ZNF728: variants seen among roughly 807,000 people sequenced by gnomAD.
ZNF728 encodes the protein zinc finger protein 728.
In ZNF728, 12 loss-of-function variants were observed where a neutral mutation model predicts 12.5. The ratio of observed to expected loss-of-function variants is 0.96; its 90% confidence interval spans 0.61 to 1.55. The LOEUF is 1.55. Ranked by LOEUF, ZNF728 falls within the 40% of genes most tolerant of loss-of-function variation. The probability of loss-of-function intolerance (pLI) is 0.00; values close to 1 mark genes in which losing one functional copy is unlikely to be tolerated. For synonymous variants in ZNF728, 205 were observed against 240.7 expected (o/e 0.85, Z 1.37); for missense variants, 692 against 719.2 (o/e 0.96, Z 0.43).
intron 1 of ZNF728, among the ~76,000 whole-genome samples, chr19:22,997,805 G>C (rs1460764323): frequency 2.0e-5 from 3 of 147,688 alleles, no homozygotes; most frequent in Non-Finnish European, 4.5e-5. Flanking sequence ...ATGAGAAAAA[G>C]AGACATTACC....
intron 3 of ZNF728, among the ~76,000 whole-genome samples, chr19:22,979,337 C>T (rs1223361362): frequency 6.6e-6 from 1 of 152,054 alleles, no homozygotes; most frequent in Non-Finnish European, 1.5e-5. Flanking sequence ...AAGAAATGAA[C>T]AAAGCCTCCA....
At chr19:22,990,220 A>G (rs545967070) in intron 1 of ZNF728, among the ~76,000 whole-genome samples, 16 of 152,296 alleles carry the variant, frequency 1.1e-4, no homozygotes, top group African/African-American at 3.8e-4. Context: ...TGGAGGAAGC[A>G]GAGTGGACAC....
At position 22,987,320 on chromosome 19, in the gene ZNF728, T is replaced by C. The variant is rs773995389; in HGVS notation, c.214A>G (p.Lys72Glu). 2 of 1,611,128 alleles carry C rather than the reference T, an allele frequency of 1.2e-6. No homozygotes were observed. Among genetic ancestry groups the C allele is most frequent in the Non-Finnish European group, 1.7e-6 (2 of 1,178,582 alleles). ...CATTCTCACCTACCTGGCGGTTCTTTCACCAGCTCATGTCTCTTCATATTC... is the reference window on the plus strand; with the variant it reads ...CATTCTCACCTACCTGGCGGTTCTTCCACCAGCTCATGTCTCTTCATATTC... ...PWNMKRHELV[K>E]EPPVICSHFA... The change falls in exon 3 of 4, where the codon AAA (lysine) becomes GAA (glutamate). Residue 72 changes from lysine (K) to glutamate (E), a missense_variant. Physicochemically the swap from Lys to Glu is moderately conservative, Grantham distance 56. Around this residue, in one of 3 missense-constraint regions of ZNF728, gnomAD observed 440 missense variants for 459.6 expected, o/e 0.96. Transcript: ENST00000594710.
intron 1 of ZNF728, among the ~76,000 whole-genome samples, chr19:22,992,750 C>G (rs1969004560): frequency 6.6e-6 from 1 of 152,140 alleles, no homozygotes; most frequent in African/African-American, 2.4e-5. Flanking sequence ...ATTTCTCTCA[C>G]AATGGGACAG....
At chr19:22,987,568 G>T (rs1417119259) in intron 2 of ZNF728, among the ~76,000 whole-genome samples, 165 bp from the exon 3 acceptor site, 1 of 151,644 alleles carries the variant, frequency 6.6e-6, no homozygotes, top group East Asian at 1.9e-4. Context: ...CTCTAATTTT[G>T]TAAGTTCTTA....
At chr19:22,996,655 G>A (rs1353683481) in intron 1 of ZNF728, among the ~76,000 whole-genome samples, 1 of 152,102 alleles carries the variant, frequency 6.6e-6, no homozygotes, top group Non-Finnish European at 1.5e-5. Flanking sequence ...AGAAAGCAAT[G>A]AATCTCAGGT....
chr19:22,996,148 G>A (rs931181093), intron 1 of ZNF728, among the ~76,000 whole-genome samples: 1 of 151,960 alleles, frequency 6.6e-6, no homozygotes, highest in Non-Finnish European at 1.5e-5. Flanking sequence ...CTAGTCATAA[G>A]GTATGTAATA....
chr19:22,992,553 ATT>A lies in ZNF728; in HGVS notation c.4-4104_4-4103del, dbSNP rs35065991. ...TCACTGCACCCCACCTGCTTCATCT[ATT>A]TTTTTTTTATGACTATATGAAATGG... On this transcript the variant is annotated intron_variant, in intron 1 of 3. Transcript: ENST00000594710. 3.7e-3 allele frequency among the ~76,000 whole-genome samples: 559 copies of A among 149,320 alleles called. 4 individuals carry two copies. The highest frequency in any genetic ancestry group is 0.013 in the African/African-American group (528 of 41,064).
intron 1 of ZNF728, among the ~76,000 whole-genome samples, chr19:22,990,591 C>G (rs1968976692): frequency 6.6e-6 from 1 of 152,220 alleles, no homozygotes; most frequent in Non-Finnish European, 1.5e-5. Flanking sequence ...GCCACGCTGT[C>G]CTGCCCCTAC....
intron 1 of ZNF728, among the ~76,000 whole-genome samples, chr19:22,991,634 T>C (rs1393711056): frequency 6.6e-6 from 1 of 152,218 alleles, no homozygotes; most frequent in East Asian, 1.9e-4. Context: ...TTTCCCGTTA[T>C]CTGCTTTTGG....
rs866767920 is a variant in ZNF728 at position 22,992,760 on chromosome 19, G to C, written c.4-4309C>G. Among the ~76,000 whole-genome samples the C allele has an allele frequency of 5.3e-5, 8 of 152,256 alleles. 1 individual carries two copies. The Middle Eastern group carries it at 0.014, about 259-fold the overall frequency. On this transcript the variant is annotated intron_variant, in intron 1 of 3. Coordinates refer to ENST00000594710, the MANE Select transcript of ZNF728 (RefSeq NM_001267716.2). The stretch of plus-strand genomic sequence containing the variant: ...GACTCATTTCTCTCACAATGGGACA[G>C]AAGCAGAATTTGTCACTCTTATCAG...
At chr19:22,984,573 A>ATACACAC (rs1454286182) in intron 3 of ZNF728, among the ~76,000 whole-genome samples, 11 of 86,622 alleles carry the variant, frequency 1.3e-4, no homozygotes, top group African/African-American at 7.3e-4. Context: ...AAAAAAAAAA[A>ATACACAC]AAATACACAC....
chr19:22,977,017 C>A lies in ZNF728; in HGVS notation c.320G>T (p.Gly107Val), dbSNP rs1968813151. The change falls in exon 4 of 4, where the codon GGA becomes GTA. Residue 107 changes from glycine (G) to valine (V), a missense_variant. Physicochemically the swap from Gly to Val is moderately radical, Grantham distance 109. This residue lies in a region of ZNF728 where 440 missense variants were observed against 459.6 expected (regional missense o/e 0.96). Transcript: ENST00000594710. The part of the protein sequence containing the change: ...KVILRRYEKC[G>V]HENLQLKIGC... ...AATTTTTAACTGTAAATTCTCATGTCCACATTTTTCATATCTTCTCAATAT... is the reference window on the plus strand; with the variant it reads ...AATTTTTAACTGTAAATTCTCATGTACACATTTTTCATATCTTCTCAATAT... 8.1e-6 allele frequency: 13 copies of A among 1,613,370 alleles called. No individual in the cohort carries two copies. Among genetic ancestry groups the A allele is most frequent in the Non-Finnish European group, 1.1e-5 (13 of 1,179,732 alleles).
At chr19:22,998,354 T>TAAA (rs35334611) in intron 1 of ZNF728, among the ~76,000 whole-genome samples, 100 of 138,108 alleles carry the variant, frequency 7.2e-4, no homozygotes, top group East Asian at 1.3e-3. Flanking sequence ...ATCCCATCTA[T>TAAA]AAAAAAAAAA....
At position 22,975,995 on chromosome 19, in the gene ZNF728, C is replaced by T. The variant is rs772285301; in HGVS notation, c.1342G>A (p.Gly448Arg). Reference sequence around the variant, plus strand: ...TCTTCACATTTGTAGTGTTTCTCTCCAGTATGAATTACTTTATGTTTAGTA... The same window carrying T: ...TCTTCACATTTGTAGTGTTTCTCTCTAGTATGAATTACTTTATGTTTAGTA... ...SLTKHKVIHT[G>R]EKHYKCEECG... Residue 448 changes from glycine to arginine, a missense_variant, in exon 4 of 4, where the codon GGA (glycine) becomes AGA (arginine). Coordinates refer to ENST00000594710, the MANE Select transcript of ZNF728 (RefSeq NM_001267716.2). 1.9e-6 allele frequency: 3 copies of T among 1,612,182 alleles called. No individual in the cohort carries two copies. Among genetic ancestry groups the T allele is most frequent in the East Asian group, 4.5e-5 (2 of 44,778 alleles).
chr19:22,994,500 A>G (rs1883902439), intron 1 of ZNF728, among the ~76,000 whole-genome samples: 1 of 152,218 alleles, frequency 6.6e-6, no homozygotes, highest in South Asian at 2.1e-4. Flanking sequence ...ATTACAGTCA[A>G]TTTGCTCAAG....
chr19:22,977,150 G>T, intron 3 of ZNF728, 40 bp from the exon 4 acceptor site: 1 of 1,465,472 alleles, frequency 6.8e-7, no homozygotes, highest in Non-Finnish European at 9.0e-7. Context: ...CCACTTATTA[G>T]ATAAATATAG....
chr19:22,989,827 T>C (rs1484815132), intron 1 of ZNF728, among the ~76,000 whole-genome samples: 1 of 152,186 alleles, frequency 6.6e-6, no homozygotes, highest in Non-Finnish European at 1.5e-5. Context: ...ATAAATACTA[T>C]ACTGCTTCAA....
chr19:22,991,228 T>C (rs574028521), intron 1 of ZNF728, among the ~76,000 whole-genome samples: 19 of 152,372 alleles, frequency 1.2e-4, no homozygotes, highest in Admixed American at 4.6e-4. Flanking sequence ...CATGTACTAA[T>C]GTAATTTTTA....
Sources: gnomAD v4.1 joint callset for allele counts (sites outside exome capture counted in the v4.1 genomes callset) on GRCh38, gnomAD v4.1.1 for gene constraint, gnomAD v4.1.1 regional missense constraint, MANE v1.5 for transcripts, NCBI Gene and HGNC (gene_info 2026-07-23, HGNC 2026-07-21) for gene names.